Variants in VPS13B observed in about 807,000 individuals in gnomAD.
VPS13B encodes the protein intermembrane lipid transfer protein VPS13B.
Under a neutral mutation model 426.4 loss-of-function variants are expected in VPS13B, and 285 were observed. The ratio of observed to expected loss-of-function variants is 0.67; its 90% confidence interval spans 0.61 to 0.74. VPS13B has a LOEUF of 0.74. Ranked by LOEUF, VPS13B falls within the 30% of genes least tolerant of loss-of-function variation. The probability of loss-of-function intolerance (pLI) is 0.00; values close to 1 mark genes in which losing one functional copy is unlikely to be tolerated. For missense variants in VPS13B, 4,537 were observed against 4,782.6 expected, an observed-to-expected ratio of 0.95 and a Z score of 1.51; for synonymous variants, 1,676 against 1,676.4, an observed-to-expected ratio of 1.00 and a Z score of 0.01.
intron 17 of VPS13B, among the ~76,000 whole-genome samples, chr8:99,249,909 T>C (rs1411685466): frequency 1.3e-5 from 2 of 152,102 alleles, no homozygotes; most frequent in Non-Finnish European, 2.9e-5. Context: ...ACCATGTCTC[T>C]TGCGGTTGGG....
chr8:99,527,236 G>T (rs1446156728), intron 30 of VPS13B, among the ~76,000 whole-genome samples: 1 of 151,548 alleles, frequency 6.6e-6, no homozygotes, highest in Non-Finnish European at 1.5e-5. Flanking sequence ...TGGAATCTGT[G>T]ACTGAGAAAA....
chr8:99,205,659 A>T (rs1814667872), intron 17 of VPS13B, among the ~76,000 whole-genome samples: 1 of 152,160 alleles, frequency 6.6e-6, no homozygotes, highest in Admixed American at 6.5e-5. Flanking sequence ...TTTTAGATTG[A>T]TATGTCTCAT....
At chr8:99,161,509 C>CA (rs1352977566) in intron 15 of VPS13B, among the ~76,000 whole-genome samples, 1 of 152,108 alleles carries the variant, frequency 6.6e-6, no homozygotes, top group Admixed American at 6.5e-5. Context: ...CTCACATTTC[C>CA]AGTGTAATGT....
At chr8:99,127,073 G>T (rs1423598912) in intron 8 of VPS13B, among the ~76,000 whole-genome samples, 1 of 151,674 alleles carries the variant, frequency 6.6e-6, no homozygotes, top group Non-Finnish European at 1.5e-5. Context: ...TGCAGCCTGG[G>T]TGACAGAGCG....
At chr8:99,163,768 G>A (rs997450549) in intron 15 of VPS13B, among the ~76,000 whole-genome samples, 9 of 144,054 alleles carry the variant, frequency 6.2e-5, no homozygotes, top group African/African-American at 1.6e-4. Context: ...CCCGGTTCCC[G>A]CTCGCGCCTC....
chr8:99,691,767 G>A (rs887796827), intron 35 of VPS13B, among the ~76,000 whole-genome samples: 1 of 145,910 alleles, frequency 6.9e-6, no homozygotes, highest in Non-Finnish European at 1.5e-5. Flanking sequence ...AAAGAGTCAA[G>A]ACCCATCAGT....
intron 24 of VPS13B, among the ~76,000 whole-genome samples, chr8:99,471,854 C>T (rs1269739235): frequency 1.3e-5 from 2 of 152,176 alleles, no homozygotes; most frequent in East Asian, 3.9e-4. Context: ...TGGCCCTTCA[C>T]AGAGAAAGTT....
chr8:99,335,551 T>C (rs1264822109), intron 19 of VPS13B, among the ~76,000 whole-genome samples: 1 of 152,056 alleles, frequency 6.6e-6, no homozygotes, highest in East Asian at 1.9e-4. Context: ...GGGTATTCAA[T>C]TAGGAAGAGA....
At chr8:99,490,436 C>G (rs916647701) in intron 25 of VPS13B, among the ~76,000 whole-genome samples, 1 of 152,180 alleles carries the variant, frequency 6.6e-6, no homozygotes, top group Non-Finnish European at 1.5e-5. Context: ...AGGGAGGATT[C>G]CCTCTTCTTC....
intron 43 of VPS13B, chr8:99,799,280 T>G (rs1194405264): frequency 1.3e-4 from 20 of 152,330 alleles, no homozygotes. Context: ...GAGCAGATTT[T>G]AAGATAAATG....
intron 22 of VPS13B, among the ~76,000 whole-genome samples, chr8:99,440,988 A>G (rs1817651715): frequency 6.6e-6 from 1 of 152,102 alleles, no homozygotes. Flanking sequence ...TATGTTAAAT[A>G]TTTTAAAGCA....
At position 99,818,529 on chromosome 8, in the gene VPS13B, C is replaced by T. The variant is rs386834113; in HGVS notation, c.8440C>T (p.Arg2814Ter). 25 of 1,613,784 alleles carry T rather than the reference C, an allele frequency of 1.5e-5. No individual in the cohort carries two copies. The highest frequency in any genetic ancestry group is 3.3e-5 in the Admixed American group (2 of 59,988). Residue 2814 changes from arginine (R) to a stop codon, truncating the protein, a stop_gained, in exon 46 of 62, where the codon CGA becomes TGA. Transcript: ENST00000357162. LOFTEE classifies it high-confidence loss of function. ...TLEPNSQVQQ[R>*]MIVFSPLFIM... ...AGAACCCAACTCTCAAGTGCAACAA[C>T]GAATGGTGAGTGCTTTCCCAATCCT... is the stretch of plus-strand genomic sequence containing the variant.
chr8:99,427,390 A>C (rs1440446397), intron 21 of VPS13B, among the ~76,000 whole-genome samples: 2 of 144,584 alleles, frequency 1.4e-5, no homozygotes, highest in East Asian at 4.3e-4. Context: ...TTGACTTGGC[A>C]ATGCGGGCTC....
At chr8:99,603,922 T>G (rs1827443414) in intron 33 of VPS13B, among the ~76,000 whole-genome samples, 1 of 152,216 alleles carries the variant, frequency 6.6e-6, no homozygotes, top group African/African-American at 2.4e-5. Context: ...AGGAACCTGC[T>G]TATTCTATTT....
chr8:99,240,742 A>G (rs1222707982), intron 17 of VPS13B: 1 of 152,680 alleles, frequency 6.5e-6, no homozygotes, highest in African/African-American at 2.4e-5. Flanking sequence ...AAAACTTAGT[A>G]AGTAAGCATT....
At chr8:99,533,836 T>G (rs1823054494) in intron 30 of VPS13B, among the ~76,000 whole-genome samples, 1 of 152,224 alleles carries the variant, frequency 6.6e-6, no homozygotes, top group African/African-American at 2.4e-5. Flanking sequence ...CTTATCATCT[T>G]TAACACTGAG....
intron 2 of VPS13B, among the ~76,000 whole-genome samples, chr8:99,032,620 C>T (rs1286892051): frequency 2.0e-5 from 3 of 150,740 alleles, no homozygotes; most frequent in Non-Finnish European, 4.4e-5. Context: ...AGCTCCGCCT[C>T]CCGGGTTCAC....
chr8:99,151,587 G>A (rs1204104208), intron 14 of VPS13B, among the ~76,000 whole-genome samples: 2 of 151,570 alleles, frequency 1.3e-5, no homozygotes, highest in Non-Finnish European at 2.9e-5. Flanking sequence ...AGGCTGGAGT[G>A]CAATGGCATG....
At chr8:99,075,785 G>C (rs749666886) in intron 3 of VPS13B, among the ~76,000 whole-genome samples, 12 of 152,106 alleles carry the variant, frequency 7.9e-5, no homozygotes, top group Non-Finnish European at 1.8e-4. Flanking sequence ...AACATGGTTA[G>C]TCTAGCTAAA....
Sources: allele counts gnomAD v4.1 joint callset (sites outside exome capture counted in the v4.1 genomes callset), GRCh38; gene constraint gnomAD v4.1.1; transcripts MANE v1.5; gene names NCBI Gene and HGNC (gene_info 2026-07-23, HGNC 2026-07-21).